GRID2: variants seen among roughly 807,000 people sequenced by gnomAD.
The protein encoded by GRID2 is glutamate ionotropic receptor delta type subunit 2, also known as glutamate receptor ionotropic, delta-2.
GRID2 carries 33 observed loss-of-function variants against 114.8 expected under a neutral mutation model. The ratio of observed to expected loss-of-function variants is 0.29; its 90% CI spans 0.22 to 0.38. The LOEUF (loss-of-function observed/expected upper bound fraction) is 0.38. GRID2 is among the 10% of genes least tolerant of loss of function. GRID2 has a pLI of 1.00. For missense variants in GRID2, 1,184 were observed against 1,257.7 expected (o/e 0.94, Z 0.89); for synonymous variants, 505 against 449.9 (o/e 1.12, Z -1.55).
intron 1 of GRID2, among the ~76,000 whole-genome samples, chr4:92,435,128 G>C (rs1189050649): frequency 6.6e-6 from 1 of 152,070 alleles, no homozygotes; most frequent in African/African-American, 2.4e-5. Context: ...CCCTATGTAA[G>C]TGGGCACCCC....
chr4:92,564,676 T>G (rs1727252395), intron 1 of GRID2, among the ~76,000 whole-genome samples: 1 of 151,912 alleles, frequency 6.6e-6, no homozygotes, highest in African/African-American at 2.4e-5. Context: ...GTACATACAC[T>G]AAAAGAATCT....
chr4:92,652,134 T>A (rs1182411768), intron 2 of GRID2, among the ~76,000 whole-genome samples: 4 of 151,964 alleles, frequency 2.6e-5, no homozygotes, highest in African/African-American at 9.7e-5. Flanking sequence ...TAACACTCAG[T>A]TTATTATGGG....
At chr4:92,651,797 C>A (rs145537748) in intron 2 of GRID2, among the ~76,000 whole-genome samples, 18 of 152,240 alleles carry the variant, frequency 1.2e-4, no homozygotes, top group Admixed American at 4.6e-4. Flanking sequence ...TTTCCTGTTA[C>A]AACTGTCATT....
chr4:92,360,558 A>G (rs530599859), intron 1 of GRID2, among the ~76,000 whole-genome samples: 7 of 152,188 alleles, frequency 4.6e-5, no homozygotes, highest in South Asian at 2.1e-4. Context: ...ATGCATATCA[A>G]CAAATTTAAA....
At chr4:93,299,895 G>A (rs1026538447) in intron 8 of GRID2, among the ~76,000 whole-genome samples, 11 of 152,016 alleles carry the variant, frequency 7.2e-5, no homozygotes, top group Admixed American at 5.2e-4. Context: ...CATAATATTA[G>A]AAGATAACTG....
At chr4:92,738,937 G>T (rs1055179099) in intron 2 of GRID2, among the ~76,000 whole-genome samples, 5 of 152,044 alleles carry the variant, frequency 3.3e-5, no homozygotes, top group Admixed American at 3.3e-4. Context: ...CAAAGTGCTG[G>T]GATTACAGGC....
Position 92,514,872 on chromosome 4 carries a change from T to G in GRID2, c.89-75259T>G, listed in dbSNP as rs77139183. 4.5e-3 allele frequency among the ~76,000 whole-genome samples: 679 copies of G among 151,954 alleles called. 9 individuals carry two copies. Among genetic ancestry groups the G allele is most frequent in the African/African-American group, 0.016 (658 of 41,500 alleles). On this transcript the variant is annotated intron_variant, in intron 1 of 15. Transcript: ENST00000282020. The stretch of plus-strand genomic sequence containing the variant: ...AGTTACCCCATGCCTGCAGCCATGC[T>G]CTAAGTTGGTCTGTCTGTTTCTCTT...
chr4:93,485,962 A>C (rs963223699), intron 11 of GRID2, among the ~76,000 whole-genome samples: 2 of 151,718 alleles, frequency 1.3e-5, no homozygotes, highest in Non-Finnish European at 3.0e-5. Flanking sequence ...GAGAACTTAT[A>C]TCTTTACAGT....
intron 2 of GRID2, among the ~76,000 whole-genome samples, chr4:92,776,160 T>G (rs1291217595): frequency 2.0e-5 from 3 of 152,150 alleles, no homozygotes; most frequent in Admixed American, 6.6e-5. Context: ...TATAAACTTT[T>G]GAAATATGTT....
At chr4:92,994,613 C>G (rs1274163999) in intron 2 of GRID2, among the ~76,000 whole-genome samples, 1 of 152,090 alleles carries the variant, frequency 6.6e-6, no homozygotes, top group African/African-American at 2.4e-5. Flanking sequence ...CATGAGCCAC[C>G]ATGCCCACCC....
chr4:93,677,000 GGGTC>G (rs1724939247), intron 14 of GRID2, among the ~76,000 whole-genome samples: 5 of 151,454 alleles, frequency 3.3e-5, no homozygotes, highest in African/African-American at 1.2e-4. Context: ...GAAGCGCAAG[GGGTC>G]AGGGAATTCC....
chr4:93,290,967 T>C (rs1206612194), intron 8 of GRID2, among the ~76,000 whole-genome samples: 1 of 132,908 alleles, frequency 7.5e-6, no homozygotes, highest in Non-Finnish European at 1.5e-5. Context: ...AAGCTCCGCC[T>C]CCCGGGTTCA....
intron 2 of GRID2, among the ~76,000 whole-genome samples, chr4:92,927,140 G>T (rs1470317387): frequency 2.6e-5 from 4 of 151,854 alleles, no homozygotes; most frequent in Admixed American, 6.6e-5. Flanking sequence ...TATAGTCCAA[G>T]TTGATTATAG....
chr4:93,174,905 G>A (rs1217902347), intron 4 of GRID2, among the ~76,000 whole-genome samples: 2 of 152,134 alleles, frequency 1.3e-5, no homozygotes, highest in Admixed American at 1.3e-4. Context: ...GTTTGGGGCT[G>A]TTATGAATGA....
At chr4:92,448,363 C>T (rs1293863890) in intron 1 of GRID2, among the ~76,000 whole-genome samples, 1 of 152,048 alleles carries the variant, frequency 6.6e-6, no homozygotes, top group East Asian at 1.9e-4. Context: ...GATGGGGTTT[C>T]ACTATCTTGG....
At chr4:93,147,417 A>G (rs1736366962) in intron 4 of GRID2, among the ~76,000 whole-genome samples, 1 of 152,236 alleles carries the variant, frequency 6.6e-6, no homozygotes, top group Admixed American at 6.5e-5. Context: ...CTCAGATTAA[A>G]TATAATCTCA....
At chr4:93,663,332 A>T (rs1723665369) in intron 14 of GRID2, among the ~76,000 whole-genome samples, 1 of 152,118 alleles carries the variant, frequency 6.6e-6, no homozygotes, top group South Asian at 2.1e-4. Context: ...TCCTCTTAAG[A>T]TTTCTCATCT....
intron 13 of GRID2, among the ~76,000 whole-genome samples, chr4:93,536,232 A>G (rs1732057904): frequency 6.6e-6 from 1 of 152,006 alleles, no homozygotes; most frequent in Non-Finnish European, 1.5e-5. Flanking sequence ...ACTACGAAAG[A>G]CTACAAATAG....
At chr4:93,037,326 T>C (rs577872844) in intron 2 of GRID2, among the ~76,000 whole-genome samples, 1 of 152,184 alleles carries the variant, frequency 6.6e-6, no homozygotes, top group African/African-American at 2.4e-5. Context: ...ACACAGACTT[T>C]AAAGAAAACG....
Sources: gnomAD v4.1 joint callset for allele counts (sites outside exome capture counted in the v4.1 genomes callset) on GRCh38, gnomAD v4.1.1 for gene constraint, MANE v1.5 for transcripts, NCBI Gene and HGNC (gene_info 2026-07-23, HGNC 2026-07-21) for gene names.